The following XKR9 variants were observed in gnomAD, a reference collection of about 807,000 sequenced individuals.
XKR9 encodes XK-related protein 9.
Under a neutral mutation model 32.0 loss-of-function variants are expected in XKR9, and 32 were observed. That is an observed-to-expected ratio of 1.00 (90% CI 0.76 to 1.34). The LOEUF (loss-of-function observed/expected upper bound fraction) is 1.34. Among genes scored for constraint, XKR9 ranks in the 40% most tolerant of loss-of-function variants. The pLI is 0.00. For missense variants in XKR9, 546 were observed against 429.7 expected (o/e 1.27, Z -2.39); for synonymous variants, 168 against 143.4 (o/e 1.17, Z -1.22).
At chr8:70,874,717 G>A in the XKR9 span, among the ~76,000 whole-genome samples, 1 of 152,212 alleles carries the variant, frequency 6.6e-6, no homozygotes, top group Non-Finnish European at 1.5e-5. Flanking sequence ...GACATAGTCT[G>A]ATCCAGAGAC....
chr8:70,900,461 T>G, the XKR9 span, among the ~76,000 whole-genome samples: 1 of 151,882 alleles, frequency 6.6e-6, no homozygotes, highest in Non-Finnish European at 1.5e-5. Context: ...TGGTGGTGGG[T>G]GCCTGTAATC....
At chr8:70,806,144 C>G in the XKR9 span, among the ~76,000 whole-genome samples, 1 of 152,130 alleles carries the variant, frequency 6.6e-6, no homozygotes, top group Non-Finnish European at 1.5e-5. Context: ...AAGTGAACCC[C>G]CAGCAAACTG....
At chr8:71,032,024 G>A in the XKR9 span, among the ~76,000 whole-genome samples, 1 of 152,178 alleles carries the variant, frequency 6.6e-6, no homozygotes, top group African/African-American at 2.4e-5. Context: ...GCTGGGCACG[G>A]TGGCTTACGC....
the XKR9 span, among the ~76,000 whole-genome samples, chr8:70,853,253 T>A: frequency 6.6e-6 from 1 of 151,972 alleles, no homozygotes; most frequent in South Asian, 2.1e-4. Flanking sequence ...AGTCTGGGAA[T>A]GGCAGTGAGG....
At chr8:70,902,996 G>T in the XKR9 span, among the ~76,000 whole-genome samples, 1 of 152,144 alleles carries the variant, frequency 6.6e-6, no homozygotes, top group Non-Finnish European at 1.5e-5. Context: ...AAGCCAACTT[G>T]ATCATGTTTG....
chr8:71,005,425 T>C, the XKR9 span, among the ~76,000 whole-genome samples: 3 of 152,078 alleles, frequency 2.0e-5, no homozygotes, highest in South Asian at 2.1e-4. Context: ...GGTTTCATCA[T>C]GTTGGCCAGG....
intron 4 of XKR9, among the ~76,000 whole-genome samples, chr8:70,717,684 G>A (rs968807442): frequency 1.3e-5 from 2 of 152,150 alleles, no homozygotes; most frequent in African/African-American, 4.8e-5. Context: ...TGCAGTAAAG[G>A]TCTCTGGAAT....
the XKR9 span, among the ~76,000 whole-genome samples, chr8:70,854,302 C>A: frequency 1.3e-5 from 2 of 152,074 alleles, no homozygotes; most frequent in African/African-American, 4.8e-5. Context: ...TTTTCATGTG[C>A]CTTTTGGCTG....
chr8:70,881,568 A>G, the XKR9 span, among the ~76,000 whole-genome samples: 3 of 152,150 alleles, frequency 2.0e-5, no homozygotes, highest in African/African-American at 4.8e-5. Flanking sequence ...CAATGAGATA[A>G]CATCTCATGC....
Position 70,671,438 on chromosome 8 carries a change from G to A in XKR9, c.-361+1900G>A, listed in dbSNP as rs1166598730. 9.8e-5 allele frequency among the ~76,000 whole-genome samples: 6 copies of A among 61,370 alleles called. 1 individual carries two copies. The East Asian group carries it at 1.3e-3, about 14-fold the overall frequency. The allele number at this position is 61,370 out of a possible 152,430, so 40.3% of individuals were successfully genotyped here. On this transcript the variant is annotated intron_variant, in intron 1 of 4. Transcript: ENST00000408926. ...ATGCTGGTGCGCTGCACCCACTAAT[G>A]TGTCATCTAGCATTAGGTATATCTC...
At chr8:70,775,262 C>A (rs532985741) in intron 2 of XKR9, among the ~76,000 whole-genome samples, 1 of 152,038 alleles carries the variant, frequency 6.6e-6, no homozygotes, top group Non-Finnish European at 1.5e-5. Context: ...TCATGTCTTG[C>A]AAATTAAGAC....
the XKR9 span, among the ~76,000 whole-genome samples, chr8:71,026,575 TG>T: frequency 6.6e-6 from 1 of 152,200 alleles, no homozygotes; most frequent in African/African-American, 2.4e-5. Context: ...TCGCAGGGAA[TG>T]GAATTGGATA....
chr8:70,775,472 G>A (rs1431878768), intron 2 of XKR9, among the ~76,000 whole-genome samples: 4 of 151,944 alleles, frequency 2.6e-5, no homozygotes, highest in African/African-American at 9.7e-5. Context: ...TCTTTCTCAG[G>A]TTTTCTTCTA....
At chr8:70,885,748 C>T in the XKR9 span, among the ~76,000 whole-genome samples, 1 of 152,146 alleles carries the variant, frequency 6.6e-6, no homozygotes, top group Non-Finnish European at 1.5e-5. Context: ...AGGCACCTGC[C>T]ACCACGCCCG....
chr8:70,896,570 G>A, the XKR9 span, among the ~76,000 whole-genome samples: 4 of 151,086 alleles, frequency 2.6e-5, no homozygotes, highest in African/African-American at 4.9e-5. Context: ...TTCTTGGTCA[G>A]TCTGTCTACA....
chr8:70,873,275 T>C, the XKR9 span, among the ~76,000 whole-genome samples: 3 of 152,232 alleles, frequency 2.0e-5, no homozygotes, highest in African/African-American at 7.2e-5. Flanking sequence ...TTTTTCAGTC[T>C]ATGGATCAAG....
At chr8:70,998,603 T>C in the XKR9 span, among the ~76,000 whole-genome samples, 1 of 152,340 alleles carries the variant, frequency 6.6e-6, no homozygotes, top group South Asian at 2.1e-4. Context: ...TTTGGGTCCA[T>C]TTTTAGTCCA....
At chr8:70,808,680 C>G in the XKR9 span, among the ~76,000 whole-genome samples, 1 of 152,232 alleles carries the variant, frequency 6.6e-6, no homozygotes, top group African/African-American at 2.4e-5. Context: ...GTCCTACACC[C>G]ACGGAGCCTT....
intron 2 of XKR9, among the ~76,000 whole-genome samples, chr8:70,778,280 G>A (rs527349914): frequency 6.6e-6 from 1 of 152,190 alleles, no homozygotes; most frequent in African/African-American, 2.4e-5. Context: ...TATTTCTGAG[G>A]CCTCTGTTCT....
Sources: allele counts gnomAD v4.1 joint callset (sites outside exome capture counted in the v4.1 genomes callset), GRCh38; gene constraint gnomAD v4.1.1; transcripts MANE v1.5; gene names NCBI Gene and HGNC (gene_info 2026-07-23, HGNC 2026-07-21).